Variants in ACTR3C observed in about 807,000 individuals in gnomAD.
ACTR3C encodes actin-related protein 3C.
ACTR3C carries 18 observed loss-of-function variants against 26.3 expected under a neutral mutation model. The ratio of observed to expected loss-of-function variants is 0.68; its 90% confidence interval spans 0.47 to 1.01. The LOEUF is 1.01. Among genes scored for constraint, ACTR3C ranks in the 50% least tolerant of loss-of-function variants. ACTR3C has a pLI of 0.00. For missense variants in ACTR3C, 184 were observed against 250.7 expected, an observed-to-expected ratio of 0.73 and a Z score of 1.80; for synonymous variants, 55 against 94.5, an observed-to-expected ratio of 0.58 and a Z score of 2.42.
chr7:150,047,750 C>G, the ACTR3C span: 1 of 1,478,106 alleles, frequency 6.8e-7, no homozygotes, highest in Non-Finnish European at 9.0e-7. Context: ...CGCCGCCGTC[C>G]TCCTCGGGCC....
chr7:150,217,141 C>T, the ACTR3C span, among the ~76,000 whole-genome samples: 1 of 146,168 alleles, frequency 6.8e-6, no homozygotes, highest in Admixed American at 6.6e-5. Context: ...CTGCTGCGAG[C>T]CCCACACATG....
At chr7:149,982,623 C>T in the ACTR3C span, among the ~76,000 whole-genome samples, 23,264 of 151,820 alleles carry the variant, frequency 0.15, 3,520 homozygotes, top group African/African-American at 0.39. Context: ...TGAGAATTTT[C>T]CATTGAACTG....
the ACTR3C span, among the ~76,000 whole-genome samples, chr7:149,982,993 C>T: frequency 2.0e-5 from 3 of 152,196 alleles, no homozygotes; most frequent in South Asian, 4.2e-4. Context: ...AACTTTTCAC[C>T]ATTATAGTTA....
In ACTR3C at chr7:150,291,948, G is replaced by C. The variant is rs1239083339; in HGVS notation, c.153+1364C>G. On this transcript the variant is annotated intron_variant, in intron 3 of 7. Transcript: ENST00000683684. ...ACATAGCCAGGAGTACAAGGTATGG[G>C]GGCGGGAGGCTGGCTTTTTTCTCCC... 4.6e-5 allele frequency among the ~76,000 whole-genome samples: 7 copies of C among 151,432 alleles called. No homozygotes were observed. The East Asian group carries it at 1.4e-3, about 29-fold the overall frequency.
chr7:150,033,048 G>A, the ACTR3C span, among the ~76,000 whole-genome samples: 34 of 152,262 alleles, frequency 2.2e-4, no homozygotes, highest in African/African-American at 8.2e-4. Flanking sequence ...CAATGATTGC[G>A]AGGGCCCCAA....
chr7:150,025,051 GA>G, the ACTR3C span, among the ~76,000 whole-genome samples: 2 of 151,556 alleles, frequency 1.3e-5, no homozygotes, highest in African/African-American at 2.4e-5. Flanking sequence ...ATAAGCAATT[GA>G]TTCTTCAAAG....
At chr7:150,035,951 G>C in the ACTR3C span, among the ~76,000 whole-genome samples, 22 of 136,646 alleles carry the variant, frequency 1.6e-4, 1 homozygote, top group African/African-American at 5.6e-4. Flanking sequence ...GGTCCTCAGA[G>C]CCAGGGCGGG....
At chr7:149,965,896 G>GTT in the ACTR3C span, among the ~76,000 whole-genome samples, 304 of 152,248 alleles carry the variant, frequency 2.0e-3, 2 homozygotes, top group African/African-American at 7.1e-3. Context: ...TTAAAGCTAA[G>GTT]ACCCAGAGAG....
intron 1 of ACTR3C, among the ~76,000 whole-genome samples, chr7:150,300,113 G>A (rs1193755574): frequency 6.6e-6 from 1 of 152,120 alleles, no homozygotes; most frequent in Non-Finnish European, 1.5e-5. Context: ...AACACTTTAG[G>A]AGGCTGAGGT....
chr7:150,058,322 T>G, the ACTR3C span, among the ~76,000 whole-genome samples: 2 of 152,234 alleles, frequency 1.3e-5, no homozygotes, highest in Non-Finnish European at 2.9e-5. Context: ...TTCCGTCTTA[T>G]TGGAACACCT....
chr7:150,036,709 C>T, the ACTR3C span, among the ~76,000 whole-genome samples: 310 of 136,832 alleles, frequency 2.3e-3, 32 homozygotes, highest in African/African-American at 7.7e-3. Context: ...TTTCTGTTCC[C>T]GAGCTGGAGC....
chr7:150,088,714 A>G, the ACTR3C span, among the ~76,000 whole-genome samples: 32 of 152,196 alleles, frequency 2.1e-4, no homozygotes, highest in Non-Finnish European at 2.9e-4. Flanking sequence ...TTTCATCATA[A>G]AAACATTCAC....
At chr7:150,264,628 G>C in intron 6 of ACTR3C, 1 of 968,348 alleles carries the variant, frequency 1.0e-6, no homozygotes, top group Non-Finnish European at 1.2e-6. Flanking sequence ...GCAAAGACAA[G>C]TTGAAGAAAA....
chr7:150,236,314 T>G, the ACTR3C span, among the ~76,000 whole-genome samples: 1 of 152,226 alleles, frequency 6.6e-6, no homozygotes, highest in Non-Finnish European at 1.5e-5. Context: ...TTAGCATTCA[T>G]CAATATTTTC....
the ACTR3C span, chr7:149,892,128 C>G: frequency 2.8e-6 from 2 of 711,350 alleles, no homozygotes; most frequent in Non-Finnish European, 4.2e-6. Flanking sequence ...CCAACCATCA[C>G]CACCACCTCT....
chr7:150,165,099 C>T, the ACTR3C span, among the ~76,000 whole-genome samples: 1 of 152,178 alleles, frequency 6.6e-6, no homozygotes. Context: ...TAATTTGGCA[C>T]CATGGTGTGC....
At chr7:149,968,516 G>A in the ACTR3C span, among the ~76,000 whole-genome samples, 1 of 152,208 alleles carries the variant, frequency 6.6e-6, no homozygotes, top group African/African-American at 2.4e-5. Context: ...CTGGGTGATA[G>A]GGCGAGACTC....
chr7:150,261,444 C>T (rs1291141830), intron 6 of ACTR3C, among the ~76,000 whole-genome samples: 1 of 152,226 alleles, frequency 6.6e-6, no homozygotes, highest in African/African-American at 2.4e-5. Context: ...TGAGTCCATA[C>T]ATTTTTATTA....
At chr7:150,264,408 T>C (rs1833875431) in intron 6 of ACTR3C, among the ~76,000 whole-genome samples, 1 of 152,200 alleles carries the variant, frequency 6.6e-6, no homozygotes, top group Non-Finnish European at 1.5e-5. Flanking sequence ...TGGGATGGCC[T>C]GTGCCATCAA....
Sources: allele counts gnomAD v4.1 joint callset (sites outside exome capture counted in the v4.1 genomes callset), GRCh38; gene constraint gnomAD v4.1.1; transcripts MANE v1.5; gene names NCBI Gene and HGNC (gene_info 2026-07-23, HGNC 2026-07-21).